CERS6: variants seen among roughly 807,000 people sequenced by gnomAD.
The protein encoded by CERS6 is ceramide synthase 6.
In CERS6, 26 loss-of-function variants were observed where a neutral mutation model predicts 56.8. That is an observed-to-expected ratio of 0.46 (90% CI 0.34 to 0.63). The LOEUF (loss-of-function observed/expected upper bound fraction) is 0.63. Ranked by LOEUF, CERS6 falls within the 30% of genes least tolerant of loss-of-function variation. The pLI, the probability that CERS6 is intolerant of heterozygous loss-of-function variation, is 0.01. For synonymous variants in CERS6, 164 were observed against 173.3 expected, an observed-to-expected ratio of 0.95 and a Z score of 0.42; for missense variants, 415 against 467.5, an observed-to-expected ratio of 0.89 and a Z score of 1.04.
intron 1 of CERS6, among the ~76,000 whole-genome samples, chr2:168,490,346 GAGTA>G (rs1050223026): frequency 7.9e-4 from 120 of 152,264 alleles, no homozygotes; most frequent in African/African-American, 2.6e-3. Flanking sequence ...GGGTTTCCTG[GAGTA>G]TGAGTGGCTC....
chr2:168,750,844 T>G (rs1314356681), intron 8 of CERS6, among the ~76,000 whole-genome samples: 1 of 152,202 alleles, frequency 6.6e-6, no homozygotes, highest in Non-Finnish European at 1.5e-5. Flanking sequence ...AGTGTGCCAA[T>G]TTATATTCCA....
At chr2:168,657,965 C>T (rs538163817) in intron 4 of CERS6, among the ~76,000 whole-genome samples, 7 of 152,196 alleles carry the variant, frequency 4.6e-5, no homozygotes, top group Non-Finnish European at 1.0e-4. Flanking sequence ...CGAGAGCAAG[C>T]GAGGGCTCTG....
chr2:168,472,473 A>C (rs763382724), intron 1 of CERS6, among the ~76,000 whole-genome samples: 4 of 152,210 alleles, frequency 2.6e-5, no homozygotes, highest in Non-Finnish European at 5.9e-5. Context: ...ACTTGTCATT[A>C]CCAATAGAAC....
intron 3 of CERS6, among the ~76,000 whole-genome samples, chr2:168,566,789 C>T (rs1695891118): frequency 9.4e-6 from 1 of 106,642 alleles, no homozygotes; most frequent in Non-Finnish European, 1.9e-5. Context: ...TCATAAACAG[C>T]CACCTACTTG....
intron 1 of CERS6, among the ~76,000 whole-genome samples, chr2:168,493,520 G>C (rs1694410950): frequency 6.6e-6 from 1 of 152,152 alleles, no homozygotes; most frequent in South Asian, 2.1e-4. Flanking sequence ...GCTAAGCACT[G>C]GGAATCTACC....
At chr2:168,553,394 A>G (rs1462170429) in intron 2 of CERS6, among the ~76,000 whole-genome samples, 1 of 152,164 alleles carries the variant, frequency 6.6e-6, no homozygotes, top group Non-Finnish European at 1.5e-5. Context: ...TGGGCCCAGA[A>G]AGTTCAACAC....
intron 3 of CERS6, among the ~76,000 whole-genome samples, chr2:168,598,054 G>A (rs533581130): frequency 6.6e-6 from 1 of 152,220 alleles, no homozygotes; most frequent in Admixed American, 6.5e-5. Context: ...CCCTTAAGAG[G>A]GATCTTTAAA....
At chr2:168,650,504 TCTTTAAA>T (rs1284640571) in intron 4 of CERS6, among the ~76,000 whole-genome samples, 1 of 152,212 alleles carries the variant, frequency 6.6e-6, no homozygotes, top group Non-Finnish European at 1.5e-5. Flanking sequence ...ACTGATTCCT[TCTTTAAA>T]TGAAATAGCC....
intron 1 of CERS6, among the ~76,000 whole-genome samples, chr2:168,501,700 G>C (rs1694583438): frequency 6.6e-6 from 1 of 152,168 alleles, no homozygotes; most frequent in South Asian, 2.1e-4. Flanking sequence ...GTCTTTTAAT[G>C]ATTTCATCAA....
chr2:168,613,487 A>C (rs776107709), intron 3 of CERS6, among the ~76,000 whole-genome samples: 12 of 152,228 alleles, frequency 7.9e-5, no homozygotes, highest in Non-Finnish European at 1.6e-4. Flanking sequence ...GATCCAAACA[A>C]GGTGGAATGG....
chr2:168,701,094 G>A (rs1403554255), intron 6 of CERS6, among the ~76,000 whole-genome samples: 1 of 152,136 alleles, frequency 6.6e-6, no homozygotes, highest in African/African-American at 2.4e-5. Flanking sequence ...ACTGGAGATG[G>A]GGGCTGCTCC....
chr2:168,769,738 C>G lies in CERS6; in HGVS notation c.*76C>G. The G allele has an allele frequency of 6.8e-7, 1 of 1,472,622 alleles. No individual in the cohort carries two copies. The highest frequency in any genetic ancestry group is 9.4e-7 in the Non-Finnish European group (1 of 1,068,932). The allele number at this position is 1,472,622 out of a possible 1,614,324, so 91.2% of individuals were successfully genotyped here. ...TATTTAATAAGTTGCAAATGCAGTT[C>G]CTTTCATAATATCTCAGCACCAGAA... On this transcript the variant is annotated 3_prime_UTR_variant, in exon 10 of 10. Transcript: ENST00000305747.
At position 168,561,277 on chromosome 2, in the gene CERS6, G is replaced by C; in HGVS notation, c.362G>C (p.Arg121Pro). The change falls in exon 3 of 10, where the codon CGC (arginine) becomes CCC (proline). Residue 121 changes from arginine to proline, a missense_variant. By Grantham distance (103) the Arg-to-Pro change is moderately radical (BLOSUM62 -2). Coordinates refer to ENST00000305747, the MANE Select transcript of CERS6 (RefSeq NM_203463.3). ...ATTCAGCGCTGGTTTCGACAAAGACGCAATCAGGAGAAGCCAAGCACGCTG... is the reference window on the plus strand; with the variant it reads ...ATTCAGCGCTGGTTTCGACAAAGACCCAATCAGGAGAAGCCAAGCACGCTG... ...RSIQRWFRQRRNQEKPSTLTR... is the reference protein window; with the variant it reads ...RSIQRWFRQRPNQEKPSTLTR... The C allele has an allele frequency of 6.2e-7, 1 of 1,614,096 alleles. No individual in the cohort carries two copies. The highest frequency in any genetic ancestry group is 8.5e-7 in the Non-Finnish European group (1 of 1,179,980).
intron 8 of CERS6, among the ~76,000 whole-genome samples, chr2:168,750,214 T>A (rs1006734436): frequency 1.1e-4 from 17 of 152,228 alleles, no homozygotes; most frequent in Admixed American, 1.0e-3. Flanking sequence ...TTGCACTCTT[T>A]GTCCCAGTTA....
chr2:168,721,571 A>AACAAAAT, intron 8 of CERS6, among the ~76,000 whole-genome samples: 1 of 95,852 alleles, frequency 1.0e-5, no homozygotes, highest in South Asian at 3.8e-4. Context: ...TTTTTGTTTA[A>AACAAAAT]AAAAAACCAA....
intron 3 of CERS6, among the ~76,000 whole-genome samples, chr2:168,617,071 C>T (rs1399406731): frequency 6.6e-6 from 1 of 152,064 alleles, no homozygotes; most frequent in Non-Finnish European, 1.5e-5. Flanking sequence ...AAATCAACTC[C>T]AAAAGGAACC....
chr2:168,768,917 A>G (rs1684794533), intron 9 of CERS6, among the ~76,000 whole-genome samples: 1 of 151,040 alleles, frequency 6.6e-6, no homozygotes. Context: ...AAAAAAAAAA[A>G]AAAAAGAAAA....
chr2:168,463,629 T>C (rs532250882), intron 1 of CERS6, among the ~76,000 whole-genome samples: 120 of 152,290 alleles, frequency 7.9e-4, no homozygotes, highest in Middle Eastern at 6.8e-3. Context: ...ATCTGGAGGC[T>C]GAGCACAGTG....
intron 1 of CERS6, among the ~76,000 whole-genome samples, chr2:168,462,528 A>G (rs1467695390): frequency 6.6e-6 from 1 of 152,110 alleles, no homozygotes; most frequent in African/African-American, 2.4e-5. Flanking sequence ...ATTGAACACA[A>G]AAGGATGATT....
Sources: gnomAD v4.1 joint callset for allele counts (sites outside exome capture counted in the v4.1 genomes callset) on GRCh38, gnomAD v4.1.1 for gene constraint, MANE v1.5 for transcripts, NCBI Gene and HGNC (gene_info 2026-07-23, HGNC 2026-07-21) for gene names.